The following PRIM2 variants were observed in gnomAD, a reference collection of about 807,000 sequenced individuals.
PRIM2 encodes the protein DNA primase large subunit.
A neutral mutation model predicts 67.3 loss-of-function variants in PRIM2; 39 were observed. That is an observed-to-expected ratio of 0.58 (90% CI 0.45 to 0.76). The LOEUF (loss-of-function observed/expected upper bound fraction) is 0.76, where lower values mean the gene tolerates loss of function less well. PRIM2 is among the 30% of genes least tolerant of loss of function. The pLI, the probability that PRIM2 is intolerant of heterozygous loss-of-function variation, is 0.00. For missense variants in PRIM2, 398 were observed against 598.7 expected, an observed-to-expected ratio of 0.66 and a Z score of 3.50; for synonymous variants, 143 against 198.7, an observed-to-expected ratio of 0.72 and a Z score of 2.36.
chr6:57,392,839 T>C (rs1350950943), intron 7 of PRIM2, among the ~76,000 whole-genome samples: 2 of 152,100 alleles, frequency 1.3e-5, no homozygotes, highest in Non-Finnish European at 2.9e-5. Context: ...TGTATCATTC[T>C]TATGCCTTAC....
intron 7 of PRIM2, among the ~76,000 whole-genome samples, chr6:57,472,387 G>A (rs1452050925): frequency 7.3e-6 from 1 of 136,694 alleles, no homozygotes; most frequent in Non-Finnish European, 1.6e-5. Flanking sequence ...CTGAGATTGC[G>A]TGTGTCAAAA....
intron 7 of PRIM2, among the ~76,000 whole-genome samples, chr6:57,479,977 C>A (rs1773575356): frequency 6.6e-6 from 1 of 152,084 alleles, no homozygotes; most frequent in African/African-American, 2.4e-5. Context: ...GATGAAGAAA[C>A]CAAAGAAGGC....
intron 12 of PRIM2, among the ~76,000 whole-genome samples, chr6:57,614,667 G>A (rs1204383701): frequency 2.1e-4 from 32 of 152,248 alleles, no homozygotes; most frequent in Non-Finnish European, 4.0e-4. Context: ...TGGCTAACAC[G>A]ATGAAACCGC....
chr6:57,362,505 G>A (rs5001967), intron 5 of PRIM2, among the ~76,000 whole-genome samples: 2 of 152,124 alleles, frequency 1.3e-5, no homozygotes, highest in South Asian at 2.1e-4. Context: ...TAGCTGCTTG[G>A]CTTGGAAGAC....
chr6:57,447,073 G>A lies in PRIM2; in HGVS notation c.694-60314G>A, dbSNP rs369402569. Among the ~76,000 whole-genome samples, 483 of 152,324 alleles carry A rather than the reference G, an allele frequency of 3.2e-3. 2 individuals carry two copies. Among genetic ancestry groups the A allele is most frequent in the Non-Finnish European group, 3.9e-3 (262 of 68,036 alleles). ...GGGAAGAGCTTCTGATTTGGCCTAG[G>A]CTAGTGGCAGTGCCACCAGGCAATT... On this transcript the variant is annotated intron_variant, in intron 7 of 13. Transcript: ENST00000615550.
At chr6:57,500,317 C>T (rs1774105546) in intron 7 of PRIM2, among the ~76,000 whole-genome samples, 1 of 152,164 alleles carries the variant, frequency 6.6e-6, no homozygotes, top group African/African-American at 2.4e-5. Flanking sequence ...GAAAATAAGT[C>T]AGTTTTCACT....
chr6:57,543,185 C>T (rs1244211058), intron 10 of PRIM2, among the ~76,000 whole-genome samples: 202 of 151,456 alleles, frequency 1.3e-3, no homozygotes, highest in Non-Finnish European at 2.6e-3. Context: ...GTGATCCGCC[C>T]GCCTCGGCCT....
intron 10 of PRIM2, among the ~76,000 whole-genome samples, chr6:57,562,662 A>T (rs1775660604): frequency 6.6e-6 from 1 of 152,228 alleles, no homozygotes; most frequent in East Asian, 1.9e-4. Context: ...CTTAAAACTA[A>T]GCTGTTGGTA....
At chr6:57,258,742 T>C in the PRIM2 span, among the ~76,000 whole-genome samples, 1 of 152,122 alleles carries the variant, frequency 6.6e-6, no homozygotes, top group South Asian at 2.1e-4. Flanking sequence ...CCATCTGATA[T>C]TATCTTTGGC....
chr6:57,547,888 T>C (rs1304719612), intron 10 of PRIM2, among the ~76,000 whole-genome samples: 6 of 152,228 alleles, frequency 3.9e-5, no homozygotes, highest in Non-Finnish European at 7.3e-5. Flanking sequence ...GCTGGTGGGA[T>C]GTGAGTATAT....
chr6:57,541,973 GTTTTTTTTTTTT>G (rs1161553496), intron 10 of PRIM2, among the ~76,000 whole-genome samples: 1 of 114,738 alleles, frequency 8.7e-6, no homozygotes, highest in African/African-American at 3.6e-5. Context: ...TTGTGTTTTG[GTTTTTTTTTTTT>G]TTTTTTTTGA....
At chr6:57,643,951 C>T (rs1777290715) in intron 13 of PRIM2, among the ~76,000 whole-genome samples, 1 of 152,206 alleles carries the variant, frequency 6.6e-6, no homozygotes, top group African/African-American at 2.4e-5. Context: ...ACTCATGTTT[C>T]TGTCTGCTGG....
At chr6:57,269,112 A>G in the PRIM2 span, among the ~76,000 whole-genome samples, 20 of 152,268 alleles carry the variant, frequency 1.3e-4, no homozygotes, top group East Asian at 3.5e-3. Context: ...ATGTGTCTTT[A>G]TAGCAGCATG....
At chr6:57,567,473 A>C (rs1455055835) in intron 10 of PRIM2, among the ~76,000 whole-genome samples, 2 of 152,092 alleles carry the variant, frequency 1.3e-5, no homozygotes, top group Non-Finnish European at 2.9e-5. Flanking sequence ...GGGTGTATTA[A>C]AATTCATTTT....
chr6:57,246,946 C>T, the PRIM2 span, among the ~76,000 whole-genome samples: 48 of 152,076 alleles, frequency 3.2e-4, no homozygotes, highest in African/African-American at 1.1e-3. Context: ...GCTCCGCCTC[C>T]TGGGTTCACG....
intron 7 of PRIM2, among the ~76,000 whole-genome samples, chr6:57,484,080 A>G (rs1313856962): frequency 2.6e-5 from 4 of 152,134 alleles, no homozygotes; most frequent in Admixed American, 2.6e-4. Context: ...ACCACATGCT[A>G]TTTCGTGTAC....
chr6:57,427,051 A>G (rs1771655849), intron 7 of PRIM2, among the ~76,000 whole-genome samples: 2 of 152,318 alleles, frequency 1.3e-5, no homozygotes, highest in Admixed American at 6.5e-5. Context: ...ATGGCTGCCA[A>G]CTGAAATTTC....
At chr6:57,305,470 G>C in the PRIM2 span, among the ~76,000 whole-genome samples, 1 of 152,166 alleles carries the variant, frequency 6.6e-6, no homozygotes, top group Admixed American at 6.5e-5. Flanking sequence ...CAAATAATCA[G>C]TCTCATGTTA....
intron 7 of PRIM2, among the ~76,000 whole-genome samples, chr6:57,409,341 A>T (rs1316865149): frequency 8.6e-5 from 13 of 151,840 alleles, no homozygotes; most frequent in African/African-American, 1.2e-4. Flanking sequence ...GCACCGGCTA[A>T]TTTTTTTGTA....
Sources: gnomAD v4.1 joint callset for allele counts (sites outside exome capture counted in the v4.1 genomes callset) on GRCh38, gnomAD v4.1.1 for gene constraint, MANE v1.5 for transcripts, NCBI Gene and HGNC (gene_info 2026-07-23, HGNC 2026-07-21) for gene names.